NLRP3: variants seen among roughly 807,000 people sequenced by gnomAD.
NLRP3 encodes NLR family pyrin domain containing 3.
NLRP3 carries 48 observed loss-of-function variants against 91.3 expected under a neutral mutation model. The ratio of observed to expected loss-of-function variants is 0.53; its 90% confidence interval spans 0.42 to 0.67. NLRP3 has a LOEUF of 0.67. Among genes scored for constraint, NLRP3 ranks in the 30% least tolerant of loss-of-function variants. The pLI is 0.00. For synonymous variants in NLRP3, 561 were observed against 507.9 expected, an observed-to-expected ratio of 1.10 and a Z score of -1.41; for missense variants, 982 against 1,276.9, an observed-to-expected ratio of 0.77 and a Z score of 3.52.
In NLRP3 at chr1:247,419,018, T is replaced by C; in HGVS notation, c.218T>C (p.Phe73Ser). 1 of 1,613,304 alleles carries C rather than the reference T, an allele frequency of 6.2e-7. No individual in the cohort carries two copies. The highest frequency in any genetic ancestry group is 8.5e-7 in the Non-Finnish European group (1 of 1,179,882). The change falls in exon 2 of 10, where the codon TTC becomes TCC. Residue 73 changes from phenylalanine (F) to serine (S), a missense_variant. Physicochemically the swap from Phe to Ser is radical, Grantham distance 155. This residue lies in a region of NLRP3 where 548 missense variants were observed against 713.7 expected (regional missense o/e 0.77). Transcript: ENST00000336119. The stretch of plus-strand genomic sequence containing the variant: ...GCGTGGGCCATGGCCGTGTGGATCT[T>C]CGCTGCGATCAACAGGAGAGACCTT... The part of the protein sequence containing the change: ...EKAWAMAVWI[F>S]AAINRRDLYE...
chr1:247,445,489 C>T (rs944348091), intron 9 of NLRP3, among the ~76,000 whole-genome samples: 4 of 152,148 alleles, frequency 2.6e-5, no homozygotes, highest in East Asian at 1.9e-4. Flanking sequence ...TGTGAGCCTC[C>T]GTGCCTGGCG....
At chr1:247,443,602 T>C (rs1664393752) in intron 7 of NLRP3, among the ~76,000 whole-genome samples, 1 of 148,102 alleles carries the variant, frequency 6.8e-6, no homozygotes, top group African/African-American at 2.5e-5. Context: ...GTGTCTGCAG[T>C]GTTACGGGGA....
At chr1:247,446,553 T>G (rs1664597244) in intron 9 of NLRP3, among the ~76,000 whole-genome samples, 1 of 152,196 alleles carries the variant, frequency 6.6e-6, no homozygotes, top group African/African-American at 2.4e-5. Context: ...TGCACTTGCT[T>G]TTCTTCTGGC....
chr1:247,431,262 C>T (rs1423191745), intron 5 of NLRP3, among the ~76,000 whole-genome samples: 4 of 152,146 alleles, frequency 2.6e-5, no homozygotes, highest in South Asian at 4.1e-4. Context: ...CACGCCCCAC[C>T]GCGCTGGTGC....
intron 2 of NLRP3, among the ~76,000 whole-genome samples, chr1:247,421,733 C>A (rs922071191): frequency 2.0e-5 from 3 of 152,202 alleles, no homozygotes; most frequent in African/African-American, 7.2e-5. Context: ...TGGCTCTTAA[C>A]CACTACACCG....
In NLRP3 at chr1:247,448,572, A is replaced by G; in HGVS notation, c.*68A>G. ...TCCAGCTGGGGGCCCTCAGGTGGAGAGAGCTGCGATCCATCCAGGCCAAGA... is the reference window on the plus strand; with the variant it reads ...TCCAGCTGGGGGCCCTCAGGTGGAGGGAGCTGCGATCCATCCAGGCCAAGA... On this transcript the variant is annotated 3_prime_UTR_variant, in exon 10 of 10. Transcript: ENST00000336119. The G allele has an allele frequency of 2.2e-6, 2 of 929,052 alleles. No homozygotes were observed. The highest frequency in any genetic ancestry group is 1.8e-6 in the Non-Finnish European group (1 of 555,382). The allele number at this position is 929,052 out of a possible 1,614,324, so 57.6% of individuals were successfully genotyped here.
intron 7 of NLRP3, among the ~76,000 whole-genome samples, chr1:247,437,821 C>T (rs995400146): frequency 7.2e-5 from 11 of 152,216 alleles, no homozygotes; most frequent in Non-Finnish European, 1.3e-4. Flanking sequence ...GCGAGTGCCT[C>T]TCCGAGCGGG....
At chr1:247,421,416 C>T (rs2103094781) in intron 2 of NLRP3, among the ~76,000 whole-genome samples, 1 of 152,136 alleles carries the variant, frequency 6.6e-6, no homozygotes, top group South Asian at 2.1e-4. Context: ...AGCCCAGGAG[C>T]TCAAAACCAG....
intron 7 of NLRP3, among the ~76,000 whole-genome samples, chr1:247,438,546 G>T (rs1663967844): frequency 6.6e-6 from 1 of 152,078 alleles, no homozygotes; most frequent in South Asian, 2.1e-4. Context: ...GCCATGCCTG[G>T]CTAATTTTTG....
chr1:247,434,047 G>A lies in NLRP3; in HGVS notation c.2322-56G>A, dbSNP rs75241539. On this transcript the variant is annotated intron_variant, in intron 5 of 9. Coordinates refer to ENST00000336119, the MANE Select transcript of NLRP3 (RefSeq NM_001243133.2). ...TGTGTCCTGATGCTTCCTCTGTTCT[G>A]GAGCTCTCTGGTCAGGTGTGTTCTG... is the stretch of plus-strand genomic sequence containing the variant. 9.8e-3 allele frequency: 7,440 copies of A among 757,156 alleles called. 1,434 individuals carry two copies. The highest frequency in any genetic ancestry group is 0.04 in the Admixed American group (1,274 of 32,082). 46.9% of individuals were successfully genotyped at this position (757,156 alleles called of 1,614,324 possible). A position where few individuals can be genotyped will look rare whatever the true frequency, so the allele number is the denominator to read the frequency against.
At chr1:247,442,406 T>G (rs1664296294) in intron 7 of NLRP3, among the ~76,000 whole-genome samples, 1 of 152,208 alleles carries the variant, frequency 6.6e-6, no homozygotes, top group Non-Finnish European at 1.5e-5. Context: ...TCTGTGCTCC[T>G]AGGAATTACG....
At chr1:247,444,931 T>C in intron 9 of NLRP3, 110 bp downstream of exon 9, 1 of 1,184,664 alleles carries the variant, frequency 8.4e-7, no homozygotes, top group Non-Finnish European at 1.2e-6. Flanking sequence ...CACTCAAGAT[T>C]AGGTTGGGCC....
intron 7 of NLRP3, among the ~76,000 whole-genome samples, chr1:247,443,314 C>T (rs111869905): frequency 2.0e-5 from 3 of 152,056 alleles, no homozygotes; most frequent in African/African-American, 4.8e-5. Context: ...ACTGCAGCCT[C>T]GACTTCCTGG....
intron 7 of NLRP3, among the ~76,000 whole-genome samples, chr1:247,436,417 C>T (rs1323272391): frequency 6.6e-6 from 1 of 152,202 alleles, no homozygotes; most frequent in Non-Finnish European, 1.5e-5. Context: ...GAAAAACTTG[C>T]TTCCAAGACA....
chr1:247,429,140 G>A (rs1034030823), intron 4 of NLRP3, among the ~76,000 whole-genome samples: 1 of 152,090 alleles, frequency 6.6e-6, no homozygotes, highest in Non-Finnish European at 1.5e-5. Flanking sequence ...TGATCTGCCC[G>A]CCTCGGCCTC....
intron 7 of NLRP3, among the ~76,000 whole-genome samples, chr1:247,442,774 T>G (rs1664319235): frequency 6.6e-6 from 1 of 152,216 alleles, no homozygotes; most frequent in South Asian, 2.1e-4. Context: ...AATAATCAAA[T>G]AAGACTGGTC....
rs773321213 is a variant in NLRP3, at chr1:247,436,068, C to T, written c.2591C>T (p.Ala864Val). ...ACCAGACTCTATGTGGGGGAGAATG[C>T]CTTGGGAGACTCAGGAGTCGCAATT... The part of the protein sequence containing the change: ...SLTRLYVGEN[A>V]LGDSGVAILC... The change falls in exon 7 of 10, where the codon GCC (alanine) becomes GTC (valine). Residue 864 changes from alanine (A) to valine (V), a missense_variant. Coordinates refer to ENST00000336119, the MANE Select transcript of NLRP3 (RefSeq NM_001243133.2). The T allele has an allele frequency of 7.4e-6, 12 of 1,614,104 alleles. No homozygotes were observed. In the South Asian group the frequency reaches 1.3e-4, roughly 18 times the overall value.
At position 247,433,528 on chromosome 1, in the gene NLRP3, C is replaced by T. The variant is rs116021629; in HGVS notation, c.2322-575C>T. Among the ~76,000 whole-genome samples the T allele has an allele frequency of 6.3e-3, 958 of 152,222 alleles. 7 individuals are homozygous for T. Among genetic ancestry groups the T allele is most frequent in the African/African-American group, 0.022 (928 of 41,510 alleles). ...GGGAGTTCACTGACAGGTGATCCCT[C>T]TGCTGTGACTGGGGAGACTGGGGGC... is the stretch of plus-strand genomic sequence containing the variant. On this transcript the variant is annotated intron_variant, in intron 5 of 9. Transcript: ENST00000336119.
At position 247,444,731 on chromosome 1, in the gene NLRP3, T is replaced by G. The variant is rs763530654; in HGVS notation, c.2915T>G (p.Leu972Arg). The change falls in exon 9 of 10, where the codon CTG (leucine) becomes CGG (arginine). Residue 972 changes from leucine to arginine, a missense_variant. This residue lies in a region of NLRP3 where 373 missense variants were observed against 431.5 expected (regional missense o/e 0.86). Coordinates refer to ENST00000336119, the MANE Select transcript of NLRP3 (RefSeq NM_001243133.2). The part of the protein sequence containing the change: ...LLTSSQSLRK[L>R]SLGNNDLGDL... ...ACCTCCAGCCAGAGCCTGCGAAAGC[T>G]GAGCCTGGGCAACAATGACCTGGGC... 3.1e-6 allele frequency: 5 copies of G among 1,614,162 alleles called. No homozygotes were observed. The highest frequency in any genetic ancestry group is 3.4e-6 in the Non-Finnish European group (4 of 1,180,016).
Sources: gnomAD v4.1 joint callset for allele counts (sites outside exome capture counted in the v4.1 genomes callset) on GRCh38, gnomAD v4.1.1 for gene constraint, gnomAD v4.1.1 regional missense constraint, MANE v1.5 for transcripts, NCBI Gene and HGNC (gene_info 2026-07-23, HGNC 2026-07-21) for gene names.